The following MYO1B variants were observed in gnomAD, a reference collection of about 807,000 sequenced individuals.
MYO1B encodes the protein myosin IB.
Under a neutral mutation model 159.7 loss-of-function variants are expected in MYO1B, and 72 were observed. That is an observed-to-expected ratio of 0.45 (90% CI 0.37 to 0.55). The LOEUF is 0.55. Among genes scored for constraint, MYO1B ranks in the 20% least tolerant of loss-of-function variants. MYO1B has a pLI of 0.00. For missense variants in MYO1B, 1,062 were observed against 1,364.8 expected, an observed-to-expected ratio of 0.78 and a Z score of 3.50; for synonymous variants, 468 against 473.8, an observed-to-expected ratio of 0.99 and a Z score of 0.16.
At chr2:191,408,275 C>A in intron 25 of MYO1B, 86 bp downstream of exon 25, 1 of 895,834 alleles carries the variant, frequency 1.1e-6, no homozygotes, top group South Asian at 1.6e-5. Flanking sequence ...GTGCCTTTTC[C>A]TAAATGACAA....
intron 17 of MYO1B, among the ~76,000 whole-genome samples, chr2:191,388,610 A>C (rs528555656): frequency 2.5e-4 from 38 of 152,324 alleles, no homozygotes; most frequent in African/African-American, 9.1e-4. Flanking sequence ...GATTGCAGTC[A>C]GATTAGAACA....
intron 15 of MYO1B, among the ~76,000 whole-genome samples, chr2:191,384,063 G>A (rs1462114208): frequency 6.6e-6 from 1 of 152,154 alleles, no homozygotes; most frequent in Non-Finnish European, 1.5e-5. Context: ...ACCCAAGTAT[G>A]TGCATATGCA....
rs557318962 is a variant in MYO1B at position 191,280,428 on chromosome 2, G to A, written c.135+3398G>A. 3.9e-5 allele frequency among the ~76,000 whole-genome samples: 6 copies of A among 152,270 alleles called. 1 individual carries two copies. The South Asian group carries it at 1.2e-3, about 32-fold the overall frequency. On this transcript the variant is annotated intron_variant, in intron 2 of 30. Transcript: ENST00000392318. The stretch of plus-strand genomic sequence containing the variant: ...CTTACTGTCTGCTTTGCCTTCCTTG[G>A]CTGTTTCTTTGTTCTGAGGCTTCAT...
At chr2:191,308,924 C>T (rs1405889231) in intron 3 of MYO1B, among the ~76,000 whole-genome samples, 1 of 152,206 alleles carries the variant, frequency 6.6e-6, no homozygotes, top group East Asian at 1.9e-4. Flanking sequence ...TTGCTGGCTG[C>T]TCCATATCCA....
At chr2:191,276,832 C>T in intron 1 of MYO1B, 55 bp from the exon 2 acceptor site, 4 of 1,554,114 alleles carry the variant, frequency 2.6e-6, no homozygotes, top group Non-Finnish European at 3.5e-6. Context: ...GTGCCAAGAA[C>T]CTATTTGAAA....
intron 11 of MYO1B, among the ~76,000 whole-genome samples, chr2:191,365,136 C>T (rs1030085070): frequency 2.0e-5 from 3 of 152,176 alleles, no homozygotes; most frequent in African/African-American, 7.2e-5. Flanking sequence ...CATGTATACC[C>T]AGGCAGCTTC....
At chr2:191,276,862 T>A (rs772821364) in intron 1 of MYO1B, 25 bp from the exon 2 acceptor site, 1 of 1,577,172 alleles carries the variant, frequency 6.3e-7, no homozygotes, top group Non-Finnish European at 8.6e-7. Flanking sequence ...TCGTTTAAAT[T>A]GACCCCTTTC....
chr2:191,356,151 C>CT (rs1693263682), intron 7 of MYO1B, among the ~76,000 whole-genome samples: 1 of 152,114 alleles, frequency 6.6e-6, no homozygotes, highest in Non-Finnish European at 1.5e-5. Flanking sequence ...AAAGGAATCT[C>CT]TGATCAGTTT....
chr2:191,392,226 C>G lies in MYO1B; in HGVS notation c.2076+25C>G, dbSNP rs143992853. The G allele has an allele frequency of 6.2e-4, 952 of 1,525,546 alleles. 6 individuals carry two copies. In the African/African-American group the frequency reaches 0.012, roughly 19 times the overall value. 94.5% of individuals were successfully genotyped at this position (1,525,546 alleles called of 1,614,324 possible). ...AGTATGTAACGAAAACCTTTACACT[C>G]TGAACTTAAGTTGGAATCGTATAGG... is the stretch of plus-strand genomic sequence containing the variant. On this transcript the variant is annotated intron_variant, in intron 19 of 30. Transcript: ENST00000392318.
At chr2:191,383,759 A>G (rs924595260) in intron 15 of MYO1B, among the ~76,000 whole-genome samples, 6 of 151,954 alleles carry the variant, frequency 3.9e-5, no homozygotes, top group African/African-American at 1.5e-4. Context: ...GCCCAGGTCT[A>G]TTCCATGACT....
chr2:191,351,019 T>C (rs1692884650), intron 7 of MYO1B, among the ~76,000 whole-genome samples: 2 of 151,844 alleles, frequency 1.3e-5, no homozygotes, highest in South Asian at 2.1e-4. Context: ...GTTTGGAAAA[T>C]GTAAGATGAT....
intron 1 of MYO1B, chr2:191,246,155 G>C (rs1186968686): frequency 1.3e-5 from 2 of 152,388 alleles, no homozygotes; most frequent in African/African-American, 4.8e-5. Context: ...GTGCAGCTGC[G>C]CTCGCCTCCT....
intron 13 of MYO1B, among the ~76,000 whole-genome samples, chr2:191,379,878 A>T (rs1037879719): frequency 2.0e-5 from 3 of 152,204 alleles, no homozygotes; most frequent in Admixed American, 6.5e-5. Context: ...TTCAGTTTCT[A>T]ATTGAAATTG....
At chr2:191,302,125 A>G (rs943275425) in intron 3 of MYO1B, among the ~76,000 whole-genome samples, 9 of 152,128 alleles carry the variant, frequency 5.9e-5, no homozygotes, top group African/African-American at 1.2e-4. Context: ...CCAGTCTTCT[A>G]TGGTCTGTCT....
At chr2:191,326,624 A>G (rs923079238) in intron 3 of MYO1B, among the ~76,000 whole-genome samples, 6 of 152,160 alleles carry the variant, frequency 3.9e-5, no homozygotes, top group Non-Finnish European at 7.4e-5. Context: ...TGTTAGATGA[A>G]TGAGACCCTG....
intron 1 of MYO1B, among the ~76,000 whole-genome samples, chr2:191,264,584 T>C (rs953473071): frequency 7.9e-5 from 12 of 152,130 alleles, no homozygotes; most frequent in African/African-American, 2.7e-4. Context: ...CATGCTCAAA[T>C]GTGCCTTGAT....
intron 1 of MYO1B, among the ~76,000 whole-genome samples, chr2:191,266,936 C>G (rs946137131): frequency 6.6e-6 from 1 of 152,294 alleles, no homozygotes; most frequent in Non-Finnish European, 1.5e-5. Context: ...TTGTAAGGTT[C>G]TAGATGCTGT....
intron 3 of MYO1B, among the ~76,000 whole-genome samples, chr2:191,305,746 G>T (rs774496753): frequency 2.0e-5 from 3 of 151,024 alleles, no homozygotes; most frequent in Non-Finnish European, 3.0e-5. Flanking sequence ...TATTAATAGT[G>T]CTCTTGGAAT....
chr2:191,361,619 A>G (rs1305123819), intron 8 of MYO1B, among the ~76,000 whole-genome samples: 1 of 150,918 alleles, frequency 6.6e-6, no homozygotes, highest in Non-Finnish European at 1.5e-5. Context: ...TATACTACAT[A>G]TAGTATAATA....
Sources: gnomAD v4.1 joint callset for allele counts (sites outside exome capture counted in the v4.1 genomes callset) on GRCh38, gnomAD v4.1.1 for gene constraint, MANE v1.5 for transcripts, NCBI Gene and HGNC (gene_info 2026-07-23, HGNC 2026-07-21) for gene names.